CNTNAP4: variants seen among roughly 807,000 people sequenced by gnomAD.
CNTNAP4 encodes contactin-associated protein-like 4.
CNTNAP4 carries 98 observed loss-of-function variants against 148.4 expected under a neutral mutation model. That is an observed-to-expected ratio of 0.66 (90% CI 0.56 to 0.78). The LOEUF (loss-of-function observed/expected upper bound fraction) is 0.78. Ranked by LOEUF, CNTNAP4 falls within the 30% of genes least tolerant of loss-of-function variation. The pLI, the probability that CNTNAP4 is intolerant of heterozygous loss-of-function variation, is 0.00. For missense variants in CNTNAP4, 1,935 were observed against 1,565.6 expected (o/e 1.24, Z -3.98); for synonymous variants, 730 against 565.1 (o/e 1.29, Z -4.14).
intron 2 of CNTNAP4, among the ~76,000 whole-genome samples, chr16:76,330,109 A>G (rs1466525126): frequency 6.6e-6 from 1 of 152,080 alleles, no homozygotes; most frequent in Non-Finnish European, 1.5e-5. Flanking sequence ...GTTTTTTCTC[A>G]CTTTATCAAC....
At chr16:76,283,062 T>G (rs1160003290) in intron 1 of CNTNAP4, among the ~76,000 whole-genome samples, 1 of 151,914 alleles carries the variant, frequency 6.6e-6, no homozygotes, top group Admixed American at 6.6e-5. Flanking sequence ...TGACTTTCTC[T>G]GAGTGTCAAA....
chr16:76,549,635 C>CAA (rs144649699), intron 21 of CNTNAP4, among the ~76,000 whole-genome samples: 5 of 150,784 alleles, frequency 3.3e-5, no homozygotes, highest in Non-Finnish European at 7.4e-5. Flanking sequence ...TCTCATAAAG[C>CAA]AAAAAAAAGA....
chr16:76,521,249 T>C lies in CNTNAP4; in HGVS notation c.2475T>C (p.Ala825=). Residue 825 remains alanine, a synonymous_variant, in exon 16 of 24, where the codon GCT becomes GCC. Transcript: ENST00000611870. ...TATCTTTCTTTTTTAAGACAACAGC[T>C]TCATCTGGGGTATTTTTAGAGAACT... ...ADVSFFFKTT[A]SSGVFLENLG... 1 of 1,613,004 alleles carries C rather than the reference T, an allele frequency of 6.2e-7. No homozygotes were observed. Among genetic ancestry groups the C allele is most frequent in the Non-Finnish European group, 8.5e-7 (1 of 1,179,412 alleles).
intron 8 of CNTNAP4, among the ~76,000 whole-genome samples, chr16:76,455,791 A>G (rs2143306575): frequency 6.6e-6 from 1 of 152,238 alleles, no homozygotes; most frequent in Middle Eastern, 3.4e-3. Flanking sequence ...CCTACCCTAT[A>G]TGGCAGGCTA....
At chr16:76,379,279 A>G (rs182116129) in intron 3 of CNTNAP4, among the ~76,000 whole-genome samples, 3 of 152,168 alleles carry the variant, frequency 2.0e-5, no homozygotes, top group African/African-American at 7.2e-5. Flanking sequence ...AGGGAAGTTC[A>G]TCCTGAAAGA....
chr16:76,347,392 T>G (rs1964998281), intron 2 of CNTNAP4, among the ~76,000 whole-genome samples: 1 of 152,166 alleles, frequency 6.6e-6, no homozygotes, highest in African/African-American at 2.4e-5. Context: ...GCTAGACACT[T>G]GGGGTCTATC....
intron 2 of CNTNAP4, among the ~76,000 whole-genome samples, chr16:76,352,314 G>A (rs887115868): frequency 1.3e-5 from 2 of 152,098 alleles, no homozygotes; most frequent in Non-Finnish European, 2.9e-5. Flanking sequence ...TCATCCACAC[G>A]CCATGTCCAT....
intron 2 of CNTNAP4, among the ~76,000 whole-genome samples, chr16:76,333,298 T>C (rs1963706417): frequency 1.3e-5 from 2 of 152,172 alleles, no homozygotes; most frequent in Non-Finnish European, 2.9e-5. Context: ...ACGCTTTCTG[T>C]TTCTTGAATA....
intron 13 of CNTNAP4, among the ~76,000 whole-genome samples, chr16:76,491,320 G>T (rs1234517408): frequency 3.3e-5 from 5 of 152,198 alleles, no homozygotes. Context: ...AGGTGTGGGT[G>T]TGTTTCTCAT....
chr16:76,359,070 C>T (rs937358544), intron 3 of CNTNAP4, among the ~76,000 whole-genome samples: 1 of 152,128 alleles, frequency 6.6e-6, no homozygotes, highest in Non-Finnish European at 1.5e-5. Context: ...CCTGGAAGAA[C>T]ACAGACCACT....
chr16:76,411,233 G>T (rs567797367), intron 3 of CNTNAP4, among the ~76,000 whole-genome samples: 2 of 151,350 alleles, frequency 1.3e-5, no homozygotes, highest in Admixed American at 6.6e-5. Context: ...TAGAAATGTT[G>T]GTTGATTGCG....
At chr16:76,354,829 G>A (rs759041773) in intron 2 of CNTNAP4, among the ~76,000 whole-genome samples, 7 of 152,118 alleles carry the variant, frequency 4.6e-5, no homozygotes, top group Non-Finnish European at 8.8e-5. Context: ...ACTATTTCTT[G>A]ACTTTTGTTT....
At chr16:76,311,152 A>G (rs569219093) in intron 1 of CNTNAP4, among the ~76,000 whole-genome samples, 2 of 152,280 alleles carry the variant, frequency 1.3e-5, no homozygotes, top group African/African-American at 4.8e-5. Context: ...TACTTTTATT[A>G]AAAACTGAAC....
In CNTNAP4 at chr16:76,509,293, C is replaced by T. The variant is rs1597778583; in HGVS notation, c.2365+10599C>T. 2.1e-5 allele frequency among the ~76,000 whole-genome samples: 2 copies of T among 96,518 alleles called. 1 individual carries two copies. The highest frequency in any genetic ancestry group is 1.1e-3 in the East Asian group (2 of 1,856). 63.3% of individuals were successfully genotyped at this position (96,518 alleles called of 152,430 possible). A position where few individuals can be genotyped will look rare whatever the true frequency, so the allele number is the denominator to read the frequency against. On this transcript the variant is annotated intron_variant, in intron 15 of 23. Transcript: ENST00000611870. ...AGCTAAGCAGTATCCCTGGTTCCTA[C>T]CCAAGAGATGCCAGTAGCATCCTTC...
chr16:76,288,991 C>G (rs1269035298), intron 1 of CNTNAP4, among the ~76,000 whole-genome samples: 1 of 152,084 alleles, frequency 6.6e-6, no homozygotes, highest in African/African-American at 2.4e-5. Flanking sequence ...CTGTCATAAT[C>G]CATTATGGTA....
At chr16:76,376,491 T>G (rs954044981) in intron 3 of CNTNAP4, among the ~76,000 whole-genome samples, 4 of 146,876 alleles carry the variant, frequency 2.7e-5, no homozygotes, top group Non-Finnish European at 6.0e-5. Context: ...GACTTCAGTC[T>G]ATATAAAGGA....
intron 8 of CNTNAP4, among the ~76,000 whole-genome samples, chr16:76,454,361 A>T (rs1326929467): frequency 6.6e-6 from 1 of 152,162 alleles, no homozygotes; most frequent in Non-Finnish European, 1.5e-5. Context: ...CTTTACAAGC[A>T]TGTATAGTTA....
At chr16:76,484,015 T>G (rs1388213549) in intron 12 of CNTNAP4, among the ~76,000 whole-genome samples, 1 of 151,924 alleles carries the variant, frequency 6.6e-6, no homozygotes, top group Non-Finnish European at 1.5e-5. Context: ...TTTATTTTAT[T>G]GAATATATTA....
chr16:76,465,397 G>C (rs2081138995), intron 9 of CNTNAP4, among the ~76,000 whole-genome samples: 1 of 152,084 alleles, frequency 6.6e-6, no homozygotes, highest in Admixed American at 6.6e-5. Context: ...TTGTAGCTAG[G>C]AATATGAATT....
Sources: gnomAD v4.1 joint callset for allele counts (sites outside exome capture counted in the v4.1 genomes callset) on GRCh38, gnomAD v4.1.1 for gene constraint, MANE v1.5 for transcripts, NCBI Gene and HGNC (gene_info 2026-07-23, HGNC 2026-07-21) for gene names.